The following EPHA6 variants were observed in gnomAD, a reference collection of about 807,000 sequenced individuals.
EPHA6 encodes ephrin type-A receptor 6.
In EPHA6, 50 loss-of-function variants were observed where a neutral mutation model predicts 112.0. That is an observed-to-expected ratio of 0.45 (90% confidence interval 0.36 to 0.56). The LOEUF is 0.56. Ranked by LOEUF, EPHA6 falls within the 20% of genes least tolerant of loss-of-function variation. EPHA6 has a pLI of 0.00. For synonymous variants in EPHA6, 529 were observed against 490.7 expected, an observed-to-expected ratio of 1.08 and a Z score of -1.03; for missense variants, 1,280 against 1,417.4, an observed-to-expected ratio of 0.90 and a Z score of 1.56.
At chr3:97,353,490 T>C (rs540768592) in intron 5 of EPHA6, among the ~76,000 whole-genome samples, 3 of 151,410 alleles carry the variant, frequency 2.0e-5, no homozygotes, top group East Asian at 3.9e-4. Context: ...AGGCAATACT[T>C]GTCACAGGCC....
chr3:97,462,680 T>G (rs981625621), intron 7 of EPHA6, among the ~76,000 whole-genome samples: 2 of 152,186 alleles, frequency 1.3e-5, no homozygotes, highest in African/African-American at 4.8e-5. Context: ...ACACAGAATA[T>G]CTTGCTTGAA....
chr3:97,356,590 A>T (rs546746028), intron 5 of EPHA6, among the ~76,000 whole-genome samples: 1 of 152,170 alleles, frequency 6.6e-6, no homozygotes, highest in Non-Finnish European at 1.5e-5. Flanking sequence ...TTTAATTTCT[A>T]TAAATTTGTG....
chr3:97,242,422 T>G (rs1349590648), intron 4 of EPHA6, among the ~76,000 whole-genome samples: 2 of 151,908 alleles, frequency 1.3e-5, no homozygotes, highest in Admixed American at 1.3e-4. Flanking sequence ...CTATGAGGCT[T>G]TCTCAGAATG....
chr3:97,233,552 A>T (rs914849649), intron 4 of EPHA6, among the ~76,000 whole-genome samples: 22 of 152,264 alleles, frequency 1.4e-4, no homozygotes, highest in African/African-American at 5.1e-4. Context: ...TTTAATAGAT[A>T]TGCATTCTCT....
At chr3:97,169,757 G>A (rs766277774) in intron 3 of EPHA6, among the ~76,000 whole-genome samples, 2 of 151,646 alleles carry the variant, frequency 1.3e-5, no homozygotes, top group Non-Finnish European at 1.5e-5. Flanking sequence ...TTTTTCATTT[G>A]AATAAATGAA....
chr3:97,599,920 G>C (rs2093629010), intron 12 of EPHA6, among the ~76,000 whole-genome samples: 1 of 152,078 alleles, frequency 6.6e-6, no homozygotes, highest in Admixed American at 6.6e-5. Context: ...TCTTCCATTT[G>C]TTTGTATCCT....
chr3:97,644,809 C>A (rs1331355790), intron 14 of EPHA6, among the ~76,000 whole-genome samples: 2 of 151,720 alleles, frequency 1.3e-5, no homozygotes, highest in Non-Finnish European at 2.9e-5. Context: ...GTTTACCAAC[C>A]AAAAAGAGTC....
intron 2 of EPHA6, among the ~76,000 whole-genome samples, chr3:96,925,207 T>C (rs1265968011): frequency 6.6e-6 from 1 of 152,182 alleles, no homozygotes; most frequent in Non-Finnish European, 1.5e-5. Flanking sequence ...TTTGGAATAG[T>C]TTCATTAGAA....
chr3:97,531,848 T>C (rs1290044025), intron 10 of EPHA6, among the ~76,000 whole-genome samples: 1 of 152,084 alleles, frequency 6.6e-6, no homozygotes, highest in Non-Finnish European at 1.5e-5. Flanking sequence ...TCACTTACTA[T>C]GGTAGAGTTC....
At chr3:97,519,801 A>C (rs2092508497) in intron 10 of EPHA6, among the ~76,000 whole-genome samples, 1 of 151,934 alleles carries the variant, frequency 6.6e-6, no homozygotes, top group African/African-American at 2.4e-5. Flanking sequence ...GGTGTGTAGA[A>C]ACACTGCTGA....
intron 11 of EPHA6, among the ~76,000 whole-genome samples, chr3:97,581,418 C>T (rs902036777): frequency 6.6e-6 from 1 of 152,152 alleles, no homozygotes; most frequent in Non-Finnish European, 1.5e-5. Context: ...TTACAATTAA[C>T]CCCTATATGC....
At position 97,562,012 on chromosome 3, in the gene EPHA6, A is replaced by G. The variant is rs535399358; in HGVS notation, c.2386+29469A>G. The stretch of plus-strand genomic sequence containing the variant: ...TAAATATTTTGAGGCTACTATTGAG[A>G]CCTACTGGTCAGAAAAAAAGATTCT... On this transcript the variant is annotated intron_variant, in intron 11 of 17. Transcript: ENST00000389672. 2.6e-5 allele frequency among the ~76,000 whole-genome samples: 4 copies of G among 152,202 alleles called. No homozygotes were observed. The East Asian group carries it at 7.7e-4, about 29-fold the overall frequency.
At chr3:97,717,342 T>C (rs1436792822) in intron 14 of EPHA6, among the ~76,000 whole-genome samples, 1 of 152,164 alleles carries the variant, frequency 6.6e-6, no homozygotes, top group Non-Finnish European at 1.5e-5. Context: ...AAAAAAATTT[T>C]ATAGTGGTAG....
rs550362284 is a variant in EPHA6, at chr3:96,837,390, A to G, written c.385+22382A>G. On this transcript the variant is annotated intron_variant, in intron 1 of 17. Coordinates refer to ENST00000389672, the MANE Select transcript of EPHA6 (RefSeq NM_001080448.3). ...CTCACAGGACATAATGTTTGTTCAG[A>G]GTATTGAACAACATTGTTTATGATG... Among the ~76,000 whole-genome samples the G allele has an allele frequency of 2.6e-5, 4 of 152,226 alleles. No homozygotes were observed. The South Asian group carries it at 8.3e-4, about 32-fold the overall frequency.
intron 5 of EPHA6, among the ~76,000 whole-genome samples, chr3:97,319,958 A>G (rs2082031313): frequency 6.6e-6 from 1 of 152,044 alleles, no homozygotes; most frequent in Non-Finnish European, 1.5e-5. Context: ...ATATCTGTGG[A>G]ACATCAATGC....
rs1389967715 is a variant in EPHA6, at chr3:97,363,222, AT to A, written c.1607-41927del. 9.4e-4 allele frequency among the ~76,000 whole-genome samples: 68 copies of A among 72,450 alleles called. 1 individual carries two copies. Among genetic ancestry groups the A allele is most frequent in the Non-Finnish European group, 1.9e-3 (54 of 28,918 alleles). 47.5% of individuals were successfully genotyped at this position (72,450 alleles called of 152,430 possible). ...TATATATATATATATATATATATAT[AT>A]ATATATATATATATAAATCTCAGAT... is the stretch of plus-strand genomic sequence containing the variant. On this transcript the variant is annotated intron_variant, in intron 5 of 17. Transcript: ENST00000389672.
intron 11 of EPHA6, chr3:97,590,390 A>C (rs1026038972): frequency 6.6e-6 from 1 of 152,204 alleles, no homozygotes; most frequent in Non-Finnish European, 1.5e-5. Flanking sequence ...AATCAATGCA[A>C]TCATAGCAAT....
chr3:96,834,569 T>C (rs1225398032), intron 1 of EPHA6, among the ~76,000 whole-genome samples: 1 of 151,998 alleles, frequency 6.6e-6, no homozygotes, highest in Non-Finnish European at 1.5e-5. Context: ...TTGTTTTTTT[T>C]CCTTCCAACT....
chr3:97,381,567 T>G (rs2085735240), intron 5 of EPHA6, among the ~76,000 whole-genome samples: 1 of 152,112 alleles, frequency 6.6e-6, no homozygotes, highest in African/African-American at 2.4e-5. Flanking sequence ...AAAAGTTAAG[T>G]TAAAGAGACA....
Sources: allele counts gnomAD v4.1 joint callset (sites outside exome capture counted in the v4.1 genomes callset), GRCh38; gene constraint gnomAD v4.1.1; transcripts MANE v1.5; gene names NCBI Gene and HGNC (gene_info 2026-07-23, HGNC 2026-07-21).